The following MYO16 variants were observed in gnomAD, a reference collection of about 807,000 sequenced individuals.
The protein encoded by MYO16 is myosin XVI, also known as unconventional myosin-XVI.
In MYO16, 94 loss-of-function variants were observed where a neutral mutation model predicts 205.3. The ratio of observed to expected loss-of-function variants is 0.46; its 90% confidence interval spans 0.39 to 0.54. MYO16 has a LOEUF of 0.54. Among genes scored for constraint, MYO16 ranks in the 20% least tolerant of loss-of-function variants. The pLI is 0.00. For synonymous variants in MYO16, 988 were observed against 954.0 expected, an observed-to-expected ratio of 1.04 and a Z score of -0.66; for missense variants, 2,315 against 2,387.5, an observed-to-expected ratio of 0.97 and a Z score of 0.63.
intron 27 of MYO16, among the ~76,000 whole-genome samples, chr13:109,098,853 A>G (rs1450428837): frequency 6.6e-6 from 1 of 152,196 alleles, no homozygotes; most frequent in Non-Finnish European, 1.5e-5. Flanking sequence ...GAAACGGTTC[A>G]TTGTTGTTGC....
At position 109,202,736 on chromosome 13, in the gene MYO16, C is replaced by T. The variant is rs142808990; in HGVS notation, c.5416-3873C>T. Among the ~76,000 whole-genome samples the T allele has an allele frequency of 2.3e-3, 353 of 152,260 alleles. 1 individual carries two copies. The highest frequency in any genetic ancestry group is 6.8e-3 in the Middle Eastern group (2 of 294). On this transcript the variant is annotated intron_variant, in intron 34 of 34. Coordinates refer to ENST00000457511, the MANE Select transcript of MYO16 (RefSeq NM_001198950.3). ...AACTCATATGGAACCAAAAAGCCCA[C>T]ATAGCCAAAGCAAGACTAAGCAGCA... is the stretch of plus-strand genomic sequence containing the variant.
intron 27 of MYO16, among the ~76,000 whole-genome samples, chr13:109,086,614 C>T (rs1335935293): frequency 6.6e-6 from 1 of 152,134 alleles, no homozygotes; most frequent in African/African-American, 2.4e-5. Context: ...AAATGTCATG[C>T]ATCTTTTCTT....
intron 10 of MYO16, among the ~76,000 whole-genome samples, chr13:108,846,863 CA>C (rs1877550543): frequency 6.6e-6 from 1 of 152,064 alleles, no homozygotes; most frequent in Admixed American, 6.6e-5. Flanking sequence ...AACTAACATT[CA>C]AAAACTTTTG....
At position 109,141,395 on chromosome 13, in the gene MYO16, C is replaced by A; in HGVS notation, c.5164+19C>A. 1.4e-6 allele frequency: 2 copies of A among 1,430,872 alleles called. No individual in the cohort carries two copies. The highest frequency in any genetic ancestry group is 1.5e-5 in the South Asian group (1 of 68,304). The allele number at this position is 1,430,872 out of a possible 1,614,324, so 88.6% of individuals were successfully genotyped here. A position where few individuals can be genotyped will look rare whatever the true frequency, so the allele number is the denominator to read the frequency against. On this transcript the variant is annotated intron_variant, in intron 32 of 34. Transcript: ENST00000457511. The surrounding 1 kb of genome is among the most constrained non-coding windows in gnomAD (Gnocchi z 4.1). ...GCAGAAGGTAAGCGGAGCAGACATC[C>A]CCCCACTCCTTTTGCATGGACGCTG...
chr13:109,182,138 A>AT (rs1195923655), intron 34 of MYO16, among the ~76,000 whole-genome samples: 2 of 152,132 alleles, frequency 1.3e-5, no homozygotes, highest in Non-Finnish European at 2.9e-5. Flanking sequence ...AACATAAAGA[A>AT]TTTTTGGTTC....
chr13:109,070,503 T>C, intron 27 of MYO16, among the ~76,000 whole-genome samples: 1 of 152,214 alleles, frequency 6.6e-6, no homozygotes, highest in East Asian at 1.9e-4. Flanking sequence ...AAACAGTTGT[T>C]ATTATCTTAC....
At chr13:108,742,377 C>T (rs1193579285) in intron 4 of MYO16, among the ~76,000 whole-genome samples, 2 of 151,956 alleles carry the variant, frequency 1.3e-5, no homozygotes, top group Non-Finnish European at 2.9e-5. Context: ...TTGGCTCCCC[C>T]AAAAGAATAC....
At chr13:108,611,916 A>G (rs1476940996) in intron 1 of MYO16, among the ~76,000 whole-genome samples, 1 of 150,760 alleles carries the variant, frequency 6.6e-6, no homozygotes, top group Non-Finnish European at 1.5e-5. Context: ...CTTGTGTTCC[A>G]GTTGTGTATT....
At chr13:109,071,071 A>G (rs1033763037) in intron 27 of MYO16, among the ~76,000 whole-genome samples, 2 of 152,204 alleles carry the variant, frequency 1.3e-5, no homozygotes. Context: ...ATTATATGAC[A>G]TAAAGATGTC....
In MYO16 at chr13:109,162,271, C is replaced by T. The variant is rs1228866426; in HGVS notation, c.5165-2630C>T. 6.6e-6 allele frequency among the ~76,000 whole-genome samples: 1 copy of T among 152,206 alleles called. No homozygotes were observed. The highest frequency in any genetic ancestry group is 1.5e-5 in the Non-Finnish European group (1 of 68,040). On this transcript the variant is annotated intron_variant, in intron 32 of 34. Coordinates refer to ENST00000457511, the MANE Select transcript of MYO16 (RefSeq NM_001198950.3). The surrounding 1 kb of genome is among the most constrained non-coding windows in gnomAD (Gnocchi z 4.6). ...CTGAAGTACTCAGACTGAGAGTCAG[C>T]AAGTGCCTTAGAGGATTCGTTTATT... is the stretch of plus-strand genomic sequence containing the variant.
chr13:108,555,395 T>A, the MYO16 span, among the ~76,000 whole-genome samples: 1 of 152,210 alleles, frequency 6.6e-6, no homozygotes, highest in African/African-American at 2.4e-5. Flanking sequence ...GCCAACATCA[T>A]AAAGGTAGTA....
At chr13:108,618,115 C>A (rs898990013) in intron 1 of MYO16, among the ~76,000 whole-genome samples, 9 of 152,152 alleles carry the variant, frequency 5.9e-5, no homozygotes, top group Admixed American at 2.0e-4. Flanking sequence ...ATTATAGGAG[C>A]TTTTTAAATA....
intron 31 of MYO16, among the ~76,000 whole-genome samples, chr13:109,131,972 G>A (rs1485731917): frequency 2.6e-5 from 4 of 152,204 alleles, no homozygotes; most frequent in Non-Finnish European, 4.4e-5. Flanking sequence ...CATGGCAAGG[G>A]CTATTTCTGG....
intron 5 of MYO16, among the ~76,000 whole-genome samples, chr13:108,786,197 C>T (rs997931802): frequency 2.6e-5 from 4 of 152,170 alleles, no homozygotes; most frequent in East Asian, 1.9e-4. Context: ...GTCTGCAAAT[C>T]GACCCTTTGT....
At chr13:108,952,550 A>G (rs935781991) in intron 16 of MYO16, among the ~76,000 whole-genome samples, 1 of 152,236 alleles carries the variant, frequency 6.6e-6, no homozygotes, top group African/African-American at 2.4e-5. Context: ...AAGAAATACT[A>G]GTTCCCATCG....
At chr13:108,543,588 AC>A in the MYO16 span, among the ~76,000 whole-genome samples, 23,573 of 147,508 alleles carry the variant, frequency 0.16, 2,865 homozygotes, top group African/African-American at 0.34. Context: ...CTTGCAGTGA[AC>A]CGAGATTGTG....
the MYO16 span, among the ~76,000 whole-genome samples, chr13:108,566,405 G>GT: frequency 4.0e-5 from 6 of 151,006 alleles, no homozygotes; most frequent in African/African-American, 2.4e-5. Context: ...CTTTATTTGA[G>GT]TTTTTTCTCT....
At chr13:109,159,835 G>A (rs1878285439) in intron 32 of MYO16, among the ~76,000 whole-genome samples, 1 of 152,248 alleles carries the variant, frequency 6.6e-6, no homozygotes, top group African/African-American at 2.4e-5. Flanking sequence ...CGAGGCCAAG[G>A]CCTAAGGCGT....
chr13:109,077,686 C>T (rs1179415229), intron 27 of MYO16, among the ~76,000 whole-genome samples: 2 of 152,204 alleles, frequency 1.3e-5, no homozygotes, highest in African/African-American at 4.8e-5. Context: ...CTTTGTTCTT[C>T]CGTACACAGT....
Sources: gnomAD v4.1 joint callset for allele counts (sites outside exome capture counted in the v4.1 genomes callset) on GRCh38, gnomAD v4.1.1 for gene constraint, Gnocchi (gnomAD v3.1) non-coding constraint, MANE v1.5 for transcripts, NCBI Gene and HGNC (gene_info 2026-07-23, HGNC 2026-07-21) for gene names.